TOX2: variants seen among roughly 807,000 people sequenced by gnomAD.
TOX2 encodes the protein TOX high mobility group box family member 2.
In TOX2, 15 loss-of-function variants were observed where a neutral mutation model predicts 47.4. The ratio of observed to expected loss-of-function variants is 0.32; its 90% CI spans 0.21 to 0.49. TOX2 has a LOEUF of 0.49. Ranked by LOEUF, TOX2 falls within the 20% of genes least tolerant of loss-of-function variation. TOX2 has a pLI of 0.99. For synonymous variants in TOX2, 290 were observed against 296.6 expected (o/e 0.98, Z 0.23); for missense variants, 622 against 673.1 (o/e 0.92, Z 0.84).
intron 3 of TOX2, among the ~76,000 whole-genome samples, chr20:44,035,499 A>G (rs2071225381): frequency 6.6e-6 from 1 of 151,652 alleles, no homozygotes; most frequent in Non-Finnish European, 1.5e-5. Context: ...AGGTCGCTGC[A>G]CATGTCTTAC....
intron 1 of TOX2, among the ~76,000 whole-genome samples, chr20:43,951,728 T>TTTTTTTTTTTG (rs1344889572): frequency 1.4e-5 from 2 of 144,038 alleles, no homozygotes; most frequent in African/African-American, 5.1e-5. Flanking sequence ...TTTTTTTTTT[T>TTTTTTTTTTTG]AGAGAAAGGG....
chr20:43,963,419 C>T (rs1600687730), intron 1 of TOX2, among the ~76,000 whole-genome samples: 1 of 152,216 alleles, frequency 6.6e-6, no homozygotes. Context: ...GTTGTCCTTG[C>T]TTCTGATAGT....
intron 1 of TOX2, among the ~76,000 whole-genome samples, chr20:43,952,108 A>C (rs145179439): frequency 6.6e-6 from 1 of 151,594 alleles, no homozygotes; most frequent in African/African-American, 2.4e-5. Context: ...TCACCATGTT[A>C]GCCAGGATGG....
intron 3 of TOX2, among the ~76,000 whole-genome samples, chr20:44,045,966 G>A (rs989769490): frequency 6.6e-6 from 1 of 152,200 alleles, no homozygotes; most frequent in Non-Finnish European, 1.5e-5. Context: ...GTAAGCTATG[G>A]GGTGGGAAGA....
In TOX2 at chr20:44,066,089, C is replaced by T; in HGVS notation, c.1338C>T (p.Pro446=). 2 of 1,559,766 alleles carry T rather than the reference C, an allele frequency of 1.3e-6. No homozygotes were observed. The highest frequency in any genetic ancestry group is 1.7e-6 in the Non-Finnish European group (2 of 1,153,072). The change falls in exon 7 of 9, where the codon CCC becomes CCT. Residue 446 remains proline (P), a synonymous_variant. Transcript: ENST00000341197. Reference sequence around the variant, plus strand: ...TCCAGGTGCAGCTGGCGATGAGCCCCTCACCTCCAGGGCCACAGGTAAGCA... The same window carrying T: ...TCCAGGTGCAGCTGGCGATGAGCCCTTCACCTCCAGGGCCACAGGTAAGCA... ...MALQVQLAMS[P]SPPGPQDFPH... is the part of the protein sequence containing the mutation.
At position 44,051,333 on chromosome 20, in the gene TOX2, G is replaced by A; in HGVS notation, c.439G>A (p.Ala147Thr). The change falls in exon 4 of 9, where the codon GCT becomes ACT. Residue 147 changes from alanine to threonine, a missense_variant. Physicochemically the swap from Ala to Thr is moderately conservative, Grantham distance 58. Coordinates refer to ENST00000341197, the MANE Select transcript of TOX2 (RefSeq NM_001098797.2). ...CCAGGAGATGGTCCACTCGGAAGTG[G>A]CTGCCTATGACTCGGGCCGGCCCGG... ...TIQEMVHSEV[A>T]AYDSGRPGPL... The A allele has an allele frequency of 6.2e-7, 1 of 1,611,912 alleles. No homozygotes were observed. The highest frequency in any genetic ancestry group is 8.5e-7 in the Non-Finnish European group (1 of 1,178,494).
In TOX2 at chr20:43,953,320, G is replaced by C. The variant is rs372934863; in HGVS notation, c.100-20047G>C. Among the ~76,000 whole-genome samples the C allele has an allele frequency of 1.1e-4, 16 of 152,268 alleles. No homozygotes were observed. In the East Asian group the frequency reaches 3.1e-3, roughly 29 times the overall value. On this transcript the variant is annotated intron_variant, in intron 1 of 8. Coordinates refer to ENST00000341197, the MANE Select transcript of TOX2 (RefSeq NM_001098797.2). ...ATCACCTTCAGTCAGAAAATCATTT[G>C]AGACCCAGTGCATAGAAGCCGCCTC...
intron 1 of TOX2, among the ~76,000 whole-genome samples, chr20:43,957,567 C>CTT (rs35133028): frequency 0.03 from 3,121 of 105,570 alleles, 123 homozygotes; most frequent in African/African-American, 0.087. Flanking sequence ...TAAATGCCCT[C>CTT]TTTTTTTTTT....
Position 44,069,582 on chromosome 20 carries a change from A to G in TOX2, c.*896A>G, listed in dbSNP as rs2071902081. ...TCTTGGTGCCCAGTGCTTCTCTCAA[A>G]TCTCTTTATAATAAAACTTCTGAAA... On this transcript the variant is annotated 3_prime_UTR_variant, in exon 9 of 9. Transcript: ENST00000341197. 1 of 152,538 alleles carries G rather than the reference A, an allele frequency of 6.6e-6. No homozygotes were observed. The highest frequency in any genetic ancestry group is 6.6e-5 in the Admixed American group (1 of 15,262). The allele number at this position is 152,538 out of a possible 1,614,324, so 9.4% of individuals were successfully genotyped here. A position where few individuals can be genotyped will look rare whatever the true frequency, so the allele number is the denominator to read the frequency against.
At chr20:43,999,877 T>C (rs141266153) in intron 2 of TOX2, among the ~76,000 whole-genome samples, 7 of 152,306 alleles carry the variant, frequency 4.6e-5, no homozygotes, top group Non-Finnish European at 1.0e-4. Context: ...TATAGACCAA[T>C]GGAATAGAAT....
chr20:43,925,260 GCA>G (rs879680198), intron 1 of TOX2, among the ~76,000 whole-genome samples: 48 of 151,714 alleles, frequency 3.2e-4, no homozygotes, highest in African/African-American at 1.1e-3. Flanking sequence ...TGGGAGGGGG[GCA>G]TCTAGATCTG....
intron 1 of TOX2, among the ~76,000 whole-genome samples, chr20:43,943,944 C>T (rs1031223581): frequency 2.6e-5 from 4 of 152,220 alleles, no homozygotes; most frequent in Admixed American, 6.5e-5. Context: ...TCCTTGTCCA[C>T]ACGAATTTGA....
intron 1 of TOX2, among the ~76,000 whole-genome samples, chr20:43,951,705 A>ATGTTTTTTTTTTTTTTTTTTT (rs2069570015): frequency 3.3e-5 from 1 of 30,388 alleles, no homozygotes. Context: ...TAAACTTATT[A>ATGTTTTTTTTTTTTTTTTTTT]TGTTTTTTTT....
intron 1 of TOX2, among the ~76,000 whole-genome samples, chr20:43,922,935 G>T (rs987554340): frequency 6.6e-6 from 1 of 152,204 alleles, no homozygotes; most frequent in Non-Finnish European, 1.5e-5. Flanking sequence ...ATGTGGATTT[G>T]TAATCAATTG....
intron 1 of TOX2, among the ~76,000 whole-genome samples, chr20:43,921,808 G>GCCA (rs2069115432): frequency 6.6e-6 from 1 of 152,168 alleles, no homozygotes; most frequent in Non-Finnish European, 1.5e-5. Flanking sequence ...GCAGGCATGA[G>GCCA]CCACCACTTC....
intron 2 of TOX2, among the ~76,000 whole-genome samples, chr20:43,976,649 CT>C (rs1183075362): frequency 1.2e-4 from 18 of 152,292 alleles, no homozygotes; most frequent in South Asian, 2.1e-4. Context: ...ATAACTTAGA[CT>C]TTTCTGGTAC....
At chr20:44,058,746 T>C (rs983361538) in intron 5 of TOX2, among the ~76,000 whole-genome samples, 2 of 152,122 alleles carry the variant, frequency 1.3e-5, no homozygotes, top group Admixed American at 6.5e-5. Context: ...TCCCCAGTAC[T>C]AGCCCAGAGC....
chr20:43,942,761 A>C (rs1315648329), intron 1 of TOX2, among the ~76,000 whole-genome samples: 1 of 152,222 alleles, frequency 6.6e-6, no homozygotes, highest in Non-Finnish European at 1.5e-5. Context: ...TCCATGGATA[A>C]GAAGAGAGAA....
At chr20:43,974,003 T>C (rs974927048) in intron 2 of TOX2, among the ~76,000 whole-genome samples, 1 of 152,164 alleles carries the variant, frequency 6.6e-6, no homozygotes, top group Non-Finnish European at 1.5e-5. Flanking sequence ...TAGTTGCCAG[T>C]TGGAATCAGA....
Sources: gnomAD v4.1 joint callset for allele counts (sites outside exome capture counted in the v4.1 genomes callset) on GRCh38, gnomAD v4.1.1 for gene constraint, MANE v1.5 for transcripts, NCBI Gene and HGNC (gene_info 2026-07-23, HGNC 2026-07-21) for gene names.